Variants in CCDC73 observed in about 807,000 individuals in gnomAD.
CCDC73 encodes coiled-coil domain-containing protein 73.
CCDC73 carries 95 observed loss-of-function variants against 116.5 expected under a neutral mutation model. That is an observed-to-expected ratio of 0.82 (90% CI 0.69 to 0.97). The LOEUF (loss-of-function observed/expected upper bound fraction) is 0.97. Among genes scored for constraint, CCDC73 ranks in the 50% least tolerant of loss-of-function variants. The pLI is 0.00. For synonymous variants in CCDC73, 398 were observed against 401.3 expected, an observed-to-expected ratio of 0.99 and a Z score of 0.10; for missense variants, 1,066 against 1,206.8, an observed-to-expected ratio of 0.88 and a Z score of 1.73.
rs1554968838 is a variant in CCDC73, at chr11:32,755,547, A to ATATATATATATATATATG, written c.135+4561_135+4562insCATATATATATATATATA. On this transcript the variant is annotated intron_variant, in intron 2 of 17. Coordinates refer to ENST00000335185, the MANE Select transcript of CCDC73 (RefSeq NM_001008391.4). Reference sequence around the variant, plus strand: ...AGACTCCATCTCAAAATATATATATATATATATATATATATGTACATATAT... The same window carrying ATATATATATATATATATG: ...AGACTCCATCTCAAAATATATATATATATATATATATATATATGTATATATATATATATGTACATATAT... Among the ~76,000 whole-genome samples the ATATATATATATATATATG allele has an allele frequency of 7.6e-3, 711 of 93,840 alleles. 113 individuals are homozygous for ATATATATATATATATATG. The East Asian group carries it at 0.077, about 10-fold the overall frequency. The allele number at this position is 93,840 out of a possible 152,430, so 61.6% of individuals were successfully genotyped here.
intron 6 of CCDC73, among the ~76,000 whole-genome samples, chr11:32,698,260 G>C (rs1197781639): frequency 6.6e-6 from 1 of 151,832 alleles, no homozygotes; most frequent in East Asian, 1.9e-4. Context: ...TCCTGACCTC[G>C]TGATCCACCC....
chr11:32,688,343 C>G (rs529727154), intron 6 of CCDC73, among the ~76,000 whole-genome samples: 2 of 152,218 alleles, frequency 1.3e-5, no homozygotes, highest in South Asian at 4.1e-4. Context: ...AACTGAGGAA[C>G]GTTCTACAAA....
At chr11:32,776,907 CT>C (rs1024741090) in intron 1 of CCDC73, among the ~76,000 whole-genome samples, 34 of 141,672 alleles carry the variant, frequency 2.4e-4, no homozygotes, top group Non-Finnish European at 2.4e-4. Flanking sequence ...CAGAGTATTT[CT>C]TCCTACAGAG....
intron 7 of CCDC73, chr11:32,681,433 G>C (rs987049491): frequency 2.6e-5 from 4 of 151,860 alleles, no homozygotes; most frequent in African/African-American, 9.7e-5. Context: ...TTTTTTCAAA[G>C]GGGAGGTACT....
intron 2 of CCDC73, among the ~76,000 whole-genome samples, chr11:32,719,846 T>C (rs1194387907): frequency 2.0e-5 from 3 of 152,062 alleles, no homozygotes; most frequent in African/African-American, 7.2e-5. Context: ...CTATCAAAAC[T>C]CAACCAAGAT....
rs890704542 is a variant in CCDC73 at position 32,607,384 on chromosome 11, G to T, written c.3030+3748C>A. On this transcript the variant is annotated intron_variant, in intron 17 of 17. Coordinates refer to ENST00000335185, the MANE Select transcript of CCDC73 (RefSeq NM_001008391.4). Reference sequence around the variant, plus strand: ...TGGGATTACAGGCGTGAGCCACCGCGCCCGGCCCAAAAATAAATTCTTAAA... The same window carrying T: ...TGGGATTACAGGCGTGAGCCACCGCTCCCGGCCCAAAAATAAATTCTTAAA... Among the ~76,000 whole-genome samples, 8 of 152,174 alleles carry T rather than the reference G, an allele frequency of 5.3e-5. 1 individual carries two copies. The highest frequency in any genetic ancestry group is 5.2e-4 in the Admixed American group (8 of 15,294).
the CCDC73 span, among the ~76,000 whole-genome samples, chr11:32,818,234 G>C: frequency 6.6e-6 from 1 of 152,246 alleles, no homozygotes; most frequent in South Asian, 2.1e-4. Flanking sequence ...CTGCCCTTTC[G>C]GGCCGTAAGT....
chr11:32,759,783 C>A (rs1041742808), intron 2 of CCDC73, among the ~76,000 whole-genome samples: 20 of 152,176 alleles, frequency 1.3e-4, no homozygotes, highest in Non-Finnish European at 2.1e-4. Flanking sequence ...AATGTAATCT[C>A]CCCAAGAGCG....
intron 1 of CCDC73, among the ~76,000 whole-genome samples, chr11:32,780,469 A>G (rs1850573325): frequency 6.6e-6 from 1 of 152,116 alleles, no homozygotes; most frequent in African/African-American, 2.4e-5. Flanking sequence ...AAAGTCATAC[A>G]CTATTCTATG....
chr11:32,668,494 A>G (rs2133280191), intron 9 of CCDC73, among the ~76,000 whole-genome samples: 2 of 151,850 alleles, frequency 1.3e-5, no homozygotes, highest in African/African-American at 4.8e-5. Context: ...GTCTAATATA[A>G]AAGTTGATAA....
At chr11:32,703,606 A>G (rs1246946367) in intron 3 of CCDC73, among the ~76,000 whole-genome samples, 1 of 152,180 alleles carries the variant, frequency 6.6e-6, no homozygotes, top group African/African-American at 2.4e-5. Flanking sequence ...GAGTTTCAAA[A>G]ACAATGACAA....
chr11:32,724,071 T>C (rs1023068903), intron 2 of CCDC73, among the ~76,000 whole-genome samples: 1 of 152,126 alleles, frequency 6.6e-6, no homozygotes, highest in Non-Finnish European at 1.5e-5. Flanking sequence ...TATAAAGATA[T>C]ACATTCTACA....
intron 3 of CCDC73, among the ~76,000 whole-genome samples, chr11:32,707,726 C>CCTGATATTAT (rs1486178131): frequency 6.6e-6 from 1 of 152,048 alleles, no homozygotes; most frequent in East Asian, 1.9e-4. Flanking sequence ...TGATTAATCT[C>CCTGATATTAT]AAGGGGGTAA....
chr11:32,701,406 A>C (rs1297177545), intron 4 of CCDC73, among the ~76,000 whole-genome samples: 1 of 152,180 alleles, frequency 6.6e-6, no homozygotes, highest in Non-Finnish European at 1.5e-5. Flanking sequence ...TAAAAAAATA[A>C]TGACATTTTA....
chr11:32,792,524 C>A (rs1226290696), intron 1 of CCDC73, among the ~76,000 whole-genome samples: 3 of 152,094 alleles, frequency 2.0e-5, no homozygotes, highest in South Asian at 2.1e-4. Flanking sequence ...GCCACAGAAA[C>A]CTTTTTTTAT....
chr11:32,637,436 C>A (rs1014712678), intron 13 of CCDC73, among the ~76,000 whole-genome samples: 3 of 152,124 alleles, frequency 2.0e-5, no homozygotes, highest in Non-Finnish European at 4.4e-5. Flanking sequence ...TGCAAATTAG[C>A]AAAAGGATTT....
intron 3 of CCDC73, among the ~76,000 whole-genome samples, chr11:32,716,686 C>T (rs567286823): frequency 1.6e-3 from 250 of 152,262 alleles, no homozygotes; most frequent in African/African-American, 5.7e-3. Flanking sequence ...CTCAGCCTCC[C>T]GAGGAGCTAG....
In CCDC73 at chr11:32,698,127, C is replaced by G. The variant is rs187330587; in HGVS notation, c.390+1124G>C. Among the ~76,000 whole-genome samples, 336 of 150,396 alleles carry G rather than the reference C, an allele frequency of 2.2e-3. 1 individual carries two copies. The highest frequency in any genetic ancestry group is 8.0e-3 in the African/African-American group (328 of 40,850). ...GCAAGCTGCGCCTCCCGGGTTCACGCCATTCTCCTGCCTCAGCCTCCCGAG... is the reference window on the plus strand; with the variant it reads ...GCAAGCTGCGCCTCCCGGGTTCACGGCATTCTCCTGCCTCAGCCTCCCGAG... On this transcript the variant is annotated intron_variant, in intron 6 of 17. Transcript: ENST00000335185.
At chr11:32,773,097 G>A (rs1056546636) in intron 1 of CCDC73, among the ~76,000 whole-genome samples, 7 of 152,132 alleles carry the variant, frequency 4.6e-5, no homozygotes, top group African/African-American at 1.7e-4. Flanking sequence ...CAATAAGAAG[G>A]GGTGAAGTAA....
Sources: allele counts gnomAD v4.1 joint callset (sites outside exome capture counted in the v4.1 genomes callset), GRCh38; gene constraint gnomAD v4.1.1; transcripts MANE v1.5; gene names NCBI Gene and HGNC (gene_info 2026-07-23, HGNC 2026-07-21).